The following ALPK3 variants were observed in gnomAD, a reference collection of about 807,000 sequenced individuals.
ALPK3 encodes the protein alpha-protein kinase 3.
In ALPK3, 102 loss-of-function variants were observed where a neutral mutation model predicts 140.0. The observed-to-expected ratio is 0.73, with a 90% confidence interval of 0.62 to 0.86. The LOEUF (loss-of-function observed/expected upper bound fraction) is 0.86, where lower values mean the gene tolerates loss of function less well. Among genes scored for constraint, ALPK3 ranks in the 40% least tolerant of loss-of-function variants. The pLI is 0.00. For missense variants in ALPK3, 2,254 were observed against 2,208.2 expected, an observed-to-expected ratio of 1.02 and a Z score of -0.42; for synonymous variants, 938 against 898.5, an observed-to-expected ratio of 1.04 and a Z score of -0.79.
intron 2 of ALPK3, among the ~76,000 whole-genome samples, chr15:84,824,209 G>GAGAAT (rs1963460160): frequency 6.6e-6 from 1 of 152,124 alleles, no homozygotes; most frequent in Non-Finnish European, 1.5e-5. Flanking sequence ...TGTGAGATCA[G>GAGAAT]AGAATACCAC....
chr15:84,851,537 C>T (rs1402833769), intron 5 of ALPK3, among the ~76,000 whole-genome samples: 1 of 152,186 alleles, frequency 6.6e-6, no homozygotes, highest in Non-Finnish European at 1.5e-5. Flanking sequence ...TCCCTATCCC[C>T]ACTGCTCAGG....
chr15:84,843,668 G>T (rs1283078311), intron 5 of ALPK3, among the ~76,000 whole-genome samples: 3 of 152,202 alleles, frequency 2.0e-5, no homozygotes, highest in African/African-American at 7.2e-5. Context: ...GTGCCCTCAG[G>T]CACCTGGCAG....
intron 5 of ALPK3, among the ~76,000 whole-genome samples, chr15:84,847,206 GGGGAGAGA>G (rs1567091383): frequency 2.9e-5 from 2 of 68,030 alleles, no homozygotes; most frequent in African/African-American, 1.0e-4. Context: ...AGGGAGAAAC[GGGGAGAGA>G]GAGAGAGAGA....
chr15:84,829,518 T>C (rs1327574899), intron 3 of ALPK3, among the ~76,000 whole-genome samples: 1 of 152,172 alleles, frequency 6.6e-6, no homozygotes, highest in East Asian at 1.9e-4. Context: ...GACTGGTACC[T>C]AGGGCGACTC....
At chr15:84,825,043 C>A (rs555432864) in intron 2 of ALPK3, among the ~76,000 whole-genome samples, 1 of 152,292 alleles carries the variant, frequency 6.6e-6, no homozygotes, top group South Asian at 2.1e-4. Flanking sequence ...AGCTAGCCAC[C>A]CTTTCAGCTG....
In ALPK3 at chr15:84,839,974, C is replaced by T. The variant is rs777917827; in HGVS notation, c.695C>T (p.Ala232Val). The change falls in exon 5 of 14, where the codon GCG (alanine) becomes GTG (valine). Residue 232 changes from alanine to valine, a missense_variant. Physicochemically the swap from Ala to Val is moderately conservative, Grantham distance 64 (BLOSUM62 0). Around this residue, in one of 3 missense-constraint regions of ALPK3, gnomAD observed 2,088 missense variants for 2,022.9 expected, o/e 1.03. Coordinates refer to ENST00000258888, the MANE Select transcript of ALPK3 (RefSeq NM_020778.5). ...QRKRRLSGAQ[A>V]PGPSVPTREP... The stretch of plus-strand genomic sequence containing the variant: ...AAGCGGCGATTGAGCGGGGCTCAAG[C>T]GCCGGGCCCCTCGGTCCCTACCAGG... 12 of 1,612,566 alleles carry T rather than the reference C, an allele frequency of 7.4e-6. No individual in the cohort carries two copies. The African/African-American group carries it at 1.5e-4, about 20-fold the overall frequency.
chr15:84,858,738 C>T (rs927402867), intron 6 of ALPK3, among the ~76,000 whole-genome samples, 183 bp downstream of exon 6: 1 of 152,212 alleles, frequency 6.6e-6, no homozygotes, highest in Non-Finnish European at 1.5e-5. Context: ...TTTGATTCTG[C>T]CACTCCACAG....
intron 2 of ALPK3, among the ~76,000 whole-genome samples, chr15:84,825,986 C>T (rs554569221): frequency 2.0e-5 from 3 of 152,078 alleles, no homozygotes; most frequent in Admixed American, 6.5e-5. Context: ...ACTGCAGACC[C>T]AGCTCAAATG....
At chr15:84,838,622 A>C (rs1394257288) in intron 3 of ALPK3, among the ~76,000 whole-genome samples, 1 of 70,414 alleles carries the variant, frequency 1.4e-5, no homozygotes, top group Admixed American at 1.4e-4. Flanking sequence ...TATTATTATT[A>C]TTATTATTAT....
At chr15:84,859,540 T>C (rs1054626261) in intron 7 of ALPK3, 150 bp downstream of exon 7, 18 of 1,315,764 alleles carry the variant, frequency 1.4e-5, no homozygotes, top group Admixed American at 2.8e-5. Flanking sequence ...GATGAGAAAA[T>C]GGAGGCTCAG....
chr15:84,831,294 G>A (rs1192989597), intron 3 of ALPK3, among the ~76,000 whole-genome samples: 1 of 152,180 alleles, frequency 6.6e-6, no homozygotes, highest in Non-Finnish European at 1.5e-5. Context: ...TGGAAACGGA[G>A]AGCCTTTAGT....
chr15:84,817,626 G>A (rs1302070082), intron 1 of ALPK3, 31 bp downstream of exon 1: 4 of 1,471,490 alleles, frequency 2.7e-6, no homozygotes, highest in South Asian at 1.3e-5. Context: ...GGGCGGCGTC[G>A]GGCCGGCGAT....
Position 84,857,309 on chromosome 15 carries a change from A to G in ALPK3, c.2571A>G (p.Leu857=), listed in dbSNP as rs1255345958. 5 of 1,613,992 alleles carry G rather than the reference A, an allele frequency of 3.1e-6. No homozygotes were observed. Among genetic ancestry groups the G allele is most frequent in the Non-Finnish European group, 3.4e-6 (4 of 1,180,006 alleles). Residue 857 remains leucine (L), a synonymous_variant, in exon 6 of 14, where the codon CTA becomes CTG. Coordinates refer to ENST00000258888, the MANE Select transcript of ALPK3 (RefSeq NM_020778.5). The part of the protein sequence containing the change: ...VPCMDQGGCP[L]AGLSQEVPTM... ...GTATGGATCAGGGTGGCTGTCCTCTAGCTGGCCTGAGCCAGGAGGTACCCA... is the reference window on the plus strand; with the variant it reads ...GTATGGATCAGGGTGGCTGTCCTCTGGCTGGCCTGAGCCAGGAGGTACCCA...
At chr15:84,822,071 C>A (rs1963432040) in intron 1 of ALPK3, among the ~76,000 whole-genome samples, 1 of 151,986 alleles carries the variant, frequency 6.6e-6, no homozygotes. Context: ...GTCCTCTACA[C>A]TGGGGGACTG....
intron 5 of ALPK3, among the ~76,000 whole-genome samples, chr15:84,850,879 T>TATATACACACACACACACACAC (rs144798232): frequency 1.3e-3 from 183 of 142,470 alleles, no homozygotes; most frequent in Non-Finnish European, 2.3e-3. Flanking sequence ...GTTCCAGATA[T>TATATACACACACACACACACAC]ACACACACAC....
Position 84,868,240 on chromosome 15 carries a change from A to G in ALPK3, c.4902A>G (p.Gln1634=), listed in dbSNP as rs1390506057. Residue 1634 remains glutamine, a synonymous_variant, in exon 14 of 14, where the codon CAA becomes CAG. Coordinates refer to ENST00000258888, the MANE Select transcript of ALPK3 (RefSeq NM_020778.5). ...PLKGPEAAHP[Q]AKAKGSKSPS... ...AGGGCCCGGAGGCGGCCCACCCCCA[A>G]GCCAAAGCCAAAGGCTCTAAGAGTC... 6 of 1,614,042 alleles carry G rather than the reference A, an allele frequency of 3.7e-6. No individual in the cohort carries two copies. In the African/African-American group the frequency reaches 8.0e-5, roughly 22 times the overall value.
In ALPK3 at chr15:84,868,488, A is replaced by G. The variant is rs1360599706; in HGVS notation, c.*32A>G. The G allele has an allele frequency of 3.8e-6, 6 of 1,560,394 alleles. No individual in the cohort carries two copies. The South Asian group carries it at 6.8e-5, about 18-fold the overall frequency. ...CAGAGGCTGGGGGCCTCCACCCAGC[A>G]GCAGACCAACCAGGAAGCAGCTTGA... On this transcript the variant is annotated 3_prime_UTR_variant, in exon 14 of 14. Coordinates refer to ENST00000258888, the MANE Select transcript of ALPK3 (RefSeq NM_020778.5).
intron 2 of ALPK3, among the ~76,000 whole-genome samples, chr15:84,825,183 T>C (rs557806822): frequency 2.0e-4 from 31 of 151,846 alleles, no homozygotes; most frequent in African/African-American, 7.3e-4. Context: ...TTTTATTTTA[T>C]TATTATTTTT....
At chr15:84,839,246 C>G in intron 4 of ALPK3, 149 bp downstream of exon 4, 3 of 689,436 alleles carry the variant, frequency 4.4e-6, no homozygotes, top group Non-Finnish European at 7.3e-6. Flanking sequence ...GTTGAACCAC[C>G]TGGTGAACCA....
Sources: allele counts gnomAD v4.1 joint callset (sites outside exome capture counted in the v4.1 genomes callset), GRCh38; gene constraint gnomAD v4.1.1; regional missense constraint gnomAD v4.1.1; transcripts MANE v1.5; gene names NCBI Gene and HGNC (gene_info 2026-07-23, HGNC 2026-07-21).